The following SHISA9 variants were observed in gnomAD, a reference collection of about 807,000 sequenced individuals.
The protein encoded by SHISA9 is protein shisa-9.
SHISA9 carries 13 observed loss-of-function variants against 38.0 expected under a neutral mutation model. The ratio of observed to expected loss-of-function variants is 0.34; its 90% CI spans 0.22 to 0.54. The LOEUF (loss-of-function observed/expected upper bound fraction) is 0.54. SHISA9 is among the 20% of genes least tolerant of loss of function. The pLI is 0.91. For missense variants in SHISA9, 538 were observed against 575.8 expected (o/e 0.93, Z 0.67); for synonymous variants, 275 against 242.0 (o/e 1.14, Z -1.27).
the SHISA9 span, among the ~76,000 whole-genome samples, chr16:13,439,892 G>T: frequency 6.6e-6 from 1 of 152,132 alleles, no homozygotes; most frequent in Admixed American, 6.5e-5. Flanking sequence ...TGCTTCTTCT[G>T]ACCTCCAAAC....
At chr16:13,070,671 T>C (rs760293450) in intron 2 of SHISA9, among the ~76,000 whole-genome samples, 9 of 152,210 alleles carry the variant, frequency 5.9e-5, no homozygotes, top group Non-Finnish European at 4.4e-5. Context: ...CACCTATATG[T>C]CAGTCACTGT....
At chr16:13,399,237 G>A in the SHISA9 span, among the ~76,000 whole-genome samples, 1 of 151,390 alleles carries the variant, frequency 6.6e-6, no homozygotes, top group African/African-American at 2.4e-5. Flanking sequence ...GAATGATAGA[G>A]TGAGACCCCA....
chr16:13,052,212 C>T (rs1335865857), intron 2 of SHISA9, among the ~76,000 whole-genome samples: 1 of 152,190 alleles, frequency 6.6e-6, no homozygotes, highest in Non-Finnish European at 1.5e-5. Context: ...AATGTGGTGT[C>T]AGACAAGTTA....
the SHISA9 span, among the ~76,000 whole-genome samples, chr16:13,300,689 A>C: frequency 6.6e-6 from 1 of 151,990 alleles, no homozygotes; most frequent in Non-Finnish European, 1.5e-5. Flanking sequence ...TGTGTCACTG[A>C]CTCTTGTCTC....
chr16:13,147,843 C>T (rs1009089411), intron 2 of SHISA9, among the ~76,000 whole-genome samples: 28 of 152,266 alleles, frequency 1.8e-4, no homozygotes, highest in Non-Finnish European at 3.7e-4. Flanking sequence ...TTTTTGGACA[C>T]CTCCACCGGG....
chr16:13,267,569 G>A, the SHISA9 span, among the ~76,000 whole-genome samples: 1 of 152,154 alleles, frequency 6.6e-6, no homozygotes, highest in Non-Finnish European at 1.5e-5. Context: ...TGCAGCCAAA[G>A]TGTTCTGTAT....
chr16:13,400,911 A>T, the SHISA9 span, among the ~76,000 whole-genome samples: 1 of 152,240 alleles, frequency 6.6e-6, no homozygotes, highest in Non-Finnish European at 1.5e-5. Context: ...TAAAGAAAGC[A>T]TGGGTGAACC....
At chr16:13,116,202 C>T (rs116228898) in intron 2 of SHISA9, among the ~76,000 whole-genome samples, 1,905 of 152,236 alleles carry the variant, frequency 0.013, 48 homozygotes, top group African/African-American at 0.043. Context: ...ATACATCATA[C>T]CTACCCTTGT....
chr16:13,129,142 G>T (rs1232325183), intron 2 of SHISA9, among the ~76,000 whole-genome samples: 3 of 152,076 alleles, frequency 2.0e-5, no homozygotes, highest in African/African-American at 7.2e-5. Context: ...CAGAGTTATT[G>T]TCTTCATTTT....
intron 2 of SHISA9, among the ~76,000 whole-genome samples, chr16:13,048,049 C>G (rs1426427017): frequency 6.6e-6 from 1 of 152,196 alleles, no homozygotes; most frequent in African/African-American, 2.4e-5. Flanking sequence ...ATTGAGACTT[C>G]TGAGGCCTTC....
At chr16:13,363,700 G>T in the SHISA9 span, among the ~76,000 whole-genome samples, 20 of 152,316 alleles carry the variant, frequency 1.3e-4, no homozygotes, top group East Asian at 3.7e-3. Flanking sequence ...AGCCTTTTCT[G>T]TATCATCTGT....
chr16:13,360,682 A>G, the SHISA9 span, among the ~76,000 whole-genome samples: 1 of 152,200 alleles, frequency 6.6e-6, no homozygotes, highest in Non-Finnish European at 1.5e-5. Context: ...AGAACAGACT[A>G]ATACAGGGCT....
At chr16:12,938,518 A>G (rs1256476767) in intron 2 of SHISA9, among the ~76,000 whole-genome samples, 3 of 150,582 alleles carry the variant, frequency 2.0e-5, no homozygotes, top group Admixed American at 1.3e-4. Flanking sequence ...TTTTTTTGAG[A>G]TGGAGTTTCA....
chr16:13,100,792 C>T (rs2073871110), intron 2 of SHISA9, among the ~76,000 whole-genome samples: 1 of 152,212 alleles, frequency 6.6e-6, no homozygotes, highest in Non-Finnish European at 1.5e-5. Flanking sequence ...ACTGCAACCT[C>T]TGCCTCTCCG....
intron 2 of SHISA9, among the ~76,000 whole-genome samples, chr16:13,006,262 T>G (rs1221327439): frequency 6.6e-6 from 1 of 152,172 alleles, no homozygotes; most frequent in Non-Finnish European, 1.5e-5. Flanking sequence ...GTGGCTGCAT[T>G]TTCTCTAAGC....
At chr16:13,208,443 CTTTTTTTT>C (rs71395107) in intron 3 of SHISA9, among the ~76,000 whole-genome samples, 1 of 125,082 alleles carries the variant, frequency 8.0e-6, no homozygotes, top group Non-Finnish European at 1.6e-5. Flanking sequence ...CTTTTTTTTT[CTTTTTTTT>C]TTTTTTTGAG....
intron 2 of SHISA9, among the ~76,000 whole-genome samples, chr16:13,196,313 C>T (rs1203797118): frequency 1.4e-5 from 2 of 147,628 alleles, no homozygotes; most frequent in Non-Finnish European, 3.0e-5. Flanking sequence ...AGGAGAATGG[C>T]GTGAACCCAG....
chr16:13,244,226 A>T (rs986739021), downstream of SHISA9, among the ~76,000 whole-genome samples: 5 of 152,214 alleles, frequency 3.3e-5, no homozygotes, highest in African/African-American at 1.2e-4. Context: ...AAAACCCATT[A>T]TCTCGATGTA....
chr16:13,542,077 T>C, the SHISA9 span, among the ~76,000 whole-genome samples: 2 of 152,048 alleles, frequency 1.3e-5, no homozygotes, highest in Non-Finnish European at 2.9e-5. Flanking sequence ...AAGAAGGCCA[T>C]GTGAAGATGG....
Sources: allele counts gnomAD v4.1 joint callset (sites outside exome capture counted in the v4.1 genomes callset), GRCh38; gene constraint gnomAD v4.1.1; transcripts MANE v1.5; gene names NCBI Gene and HGNC (gene_info 2026-07-23, HGNC 2026-07-21).